The following TF variants were observed in gnomAD, a reference collection of about 807,000 sequenced individuals.
The protein encoded by TF is transferrin.
TF carries 55 observed loss-of-function variants against 82.4 expected under a neutral mutation model. That is an observed-to-expected ratio of 0.67 (90% CI 0.54 to 0.84). The LOEUF is 0.84. Ranked by LOEUF, TF falls within the 40% of genes least tolerant of loss-of-function variation. TF has a pLI of 0.00. For synonymous variants in TF, 332 were observed against 332.6 expected (o/e 1.00, Z 0.02); for missense variants, 737 against 868.4 (o/e 0.85, Z 1.90).
At chr3:133,693,663 C>T in the TF span, among the ~76,000 whole-genome samples, 1 of 152,192 alleles carries the variant, frequency 6.6e-6, no homozygotes, top group African/African-American at 2.4e-5. Context: ...TAGCCCACCT[C>T]CTACCCCCTC....
intron 7 of TF, 119 bp downstream of exon 7, chr3:133,757,128 T>C: frequency 7.5e-7 from 1 of 1,338,976 alleles, no homozygotes. Context: ...GTGGGAGCCA[T>C]GCCACATGTC....
At chr3:133,770,357 CTCTT>C (rs1576365854) in intron 13 of TF, 147 bp from the exon 14 acceptor site, 2 of 746,316 alleles carry the variant, frequency 2.7e-6, no homozygotes, top group East Asian at 4.9e-5. Context: ...TGTTTTTGTT[CTCTT>C]TATTCCTTAC....
At chr3:133,762,840 T>C (rs773236383) in intron 9 of TF, among the ~76,000 whole-genome samples, 1 of 152,224 alleles carries the variant, frequency 6.6e-6, no homozygotes, top group Non-Finnish European at 1.5e-5. Flanking sequence ...GAAGAAATGA[T>C]TTTTCTCTTT....
intron 2 of TF, among the ~76,000 whole-genome samples, chr3:133,750,160 G>T (rs1008157846): frequency 6.6e-6 from 1 of 152,080 alleles, no homozygotes; most frequent in Non-Finnish European, 1.5e-5. Context: ...GGAGGTCAGG[G>T]GCCTATCATC....
At chr3:133,749,096 G>A (rs1035062781) in intron 2 of TF, among the ~76,000 whole-genome samples, 2 of 152,166 alleles carry the variant, frequency 1.3e-5, no homozygotes, top group Non-Finnish European at 2.9e-5. Flanking sequence ...GGGAGGCAGA[G>A]GTTGCAGTGA....
chr3:133,712,109 CAA>C, the TF span, among the ~76,000 whole-genome samples: 1 of 152,138 alleles, frequency 6.6e-6, no homozygotes, highest in Non-Finnish European at 1.5e-5. Flanking sequence ...TTTCCCAGAG[CAA>C]AGAGGGAAAC....
At chr3:133,752,325 T>G (rs1470666761) in intron 2 of TF, among the ~76,000 whole-genome samples, 1 of 152,120 alleles carries the variant, frequency 6.6e-6, no homozygotes, top group Non-Finnish European at 1.5e-5. Flanking sequence ...CTCGAACTCC[T>G]AACCTCAGGT....
chr3:133,708,153 T>C, the TF span, among the ~76,000 whole-genome samples: 1 of 152,000 alleles, frequency 6.6e-6, no homozygotes, highest in Non-Finnish European at 1.5e-5. Context: ...TGGGCCACAA[T>C]AAAAATACCT....
upstream of TF, among the ~76,000 whole-genome samples, chr3:133,745,805 A>G (rs974541420): frequency 6.6e-6 from 1 of 152,214 alleles, no homozygotes; most frequent in Non-Finnish European, 1.5e-5. Flanking sequence ...GCCTGAGCTC[A>G]GCGGGGCAGG....
chr3:133,744,692 C>T (rs564802099), upstream of TF, among the ~76,000 whole-genome samples: 16 of 152,182 alleles, frequency 1.1e-4, no homozygotes, highest in African/African-American at 3.1e-4. Context: ...TTGGGAAAGC[C>T]AGACTTGACT....
chr3:133,729,224 T>C, the TF span, among the ~76,000 whole-genome samples: 1 of 152,246 alleles, frequency 6.6e-6, no homozygotes, highest in Non-Finnish European at 1.5e-5. Flanking sequence ...CAGAGGTTAC[T>C]GCTGTCTTTT....
chr3:133,747,522 G>C (rs1007619548), intron 1 of TF, among the ~76,000 whole-genome samples: 1 of 152,232 alleles, frequency 6.6e-6, no homozygotes, highest in Admixed American at 6.5e-5. Flanking sequence ...GCCTTGCTGT[G>C]GTGGCCCACA....
At chr3:133,668,063 C>A in the TF span, among the ~76,000 whole-genome samples, 2 of 152,212 alleles carry the variant, frequency 1.3e-5, no homozygotes, top group Non-Finnish European at 2.9e-5. Context: ...CTAAAAATGT[C>A]TCAAGTATGT....
rs1297783167 is a variant in TF at position 133,753,645 on chromosome 3, T to C, written c.267T>C (p.Ala89=). Reference sequence around the variant, plus strand: ...TGGATGCAGGTTTGGTGTATGATGCTTACCTGGCTCCCAATAACCTGAAGC... The same window carrying C: ...TGGATGCAGGTTTGGTGTATGATGCCTACCTGGCTCCCAATAACCTGAAGC... ...VTLDAGLVYD[A]YLAPNNLKPV... Residue 89 remains alanine (A), a synonymous_variant, in exon 3 of 17, where the codon GCT becomes GCC. Transcript: ENST00000402696. 6.2e-7 allele frequency: 1 copy of C among 1,614,222 alleles called. No homozygotes were observed. The highest frequency in any genetic ancestry group is 1.1e-5 in the South Asian group (1 of 91,076).
chr3:133,690,856 C>G, the TF span, among the ~76,000 whole-genome samples: 12 of 152,328 alleles, frequency 7.9e-5, no homozygotes, highest in African/African-American at 2.9e-4. Flanking sequence ...CTCGCTGCTT[C>G]TCATCTTGAT....
chr3:133,756,219 T>G, intron 5 of TF, 63 bp from the exon 6 acceptor site: 1 of 1,530,776 alleles, frequency 6.5e-7, no homozygotes, highest in African/African-American at 1.4e-5. Flanking sequence ...GTGATCAGAC[T>G]CTCCAGGTGC....
At chr3:133,681,204 T>C in the TF span, among the ~76,000 whole-genome samples, 1 of 152,206 alleles carries the variant, frequency 6.6e-6, no homozygotes, top group Non-Finnish European at 1.5e-5. Context: ...GAAGTTAAGA[T>C]ACTGACTAGG....
the TF span, among the ~76,000 whole-genome samples, chr3:133,665,407 T>C: frequency 1.3e-4 from 19 of 144,842 alleles, no homozygotes; most frequent in Non-Finnish European, 2.8e-4. Flanking sequence ...GTCAAGGCTG[T>C]GGTGAGTCAT....
the TF span, among the ~76,000 whole-genome samples, chr3:133,686,146 T>C: frequency 6.6e-6 from 1 of 152,224 alleles, no homozygotes; most frequent in Admixed American, 6.5e-5. Flanking sequence ...GGTAGCCATA[T>C]GTAGAAAGCT....
Sources: allele counts gnomAD v4.1 joint callset (sites outside exome capture counted in the v4.1 genomes callset), GRCh38; gene constraint gnomAD v4.1.1; transcripts MANE v1.5; gene names NCBI Gene and HGNC (gene_info 2026-07-23, HGNC 2026-07-21).